NRXN1: variants seen among roughly 807,000 people sequenced by gnomAD.
NRXN1 encodes the protein neurexin 1, also known as neurexin-1.
Under a neutral mutation model 150.9 loss-of-function variants are expected in NRXN1, and 39 were observed. The observed-to-expected ratio is 0.26, with a 90% CI of 0.20 to 0.34. NRXN1 has a LOEUF of 0.34. NRXN1 is among the 10% of genes least tolerant of loss of function. NRXN1 has a pLI of 1.00. For synonymous variants in NRXN1, 924 were observed against 757.0 expected (o/e 1.22, Z -3.62); for missense variants, 1,815 against 1,949.9 (o/e 0.93, Z 1.30).
At chr2:50,759,844 G>C (rs1701593178) in intron 5 of NRXN1, among the ~76,000 whole-genome samples, 1 of 150,866 alleles carries the variant, frequency 6.6e-6, no homozygotes, top group Non-Finnish European at 1.5e-5. Context: ...GTGTGTGTGT[G>C]TGTGTGTGTG....
chr2:49,946,580 C>T (rs778965605), intron 21 of NRXN1, among the ~76,000 whole-genome samples: 3 of 152,202 alleles, frequency 2.0e-5, no homozygotes, highest in Non-Finnish European at 2.9e-5. Flanking sequence ...GGAAGGGGTC[C>T]GGTTTCAGTT....
intron 5 of NRXN1, among the ~76,000 whole-genome samples, chr2:50,792,764 T>C (rs1706234937): frequency 6.6e-6 from 1 of 152,104 alleles, no homozygotes; most frequent in African/African-American, 2.4e-5. Context: ...TCCCATTTAA[T>C]GAACATGTTA....
intron 18 of NRXN1, among the ~76,000 whole-genome samples, chr2:50,131,981 T>C (rs1354510556): frequency 6.6e-6 from 1 of 152,210 alleles, no homozygotes; most frequent in Non-Finnish European, 1.5e-5. Flanking sequence ...TGTGCGTGTG[T>C]ATGTGTGTGT....
chr2:50,833,276 T>C (rs919040540), intron 5 of NRXN1, among the ~76,000 whole-genome samples: 2 of 152,186 alleles, frequency 1.3e-5, no homozygotes, highest in African/African-American at 2.4e-5. Context: ...TTTGGCAGTA[T>C]CCTATAAAAT....
At chr2:50,206,255 ACACACAC>A (rs1238506263) in intron 18 of NRXN1, among the ~76,000 whole-genome samples, 1 of 148,668 alleles carries the variant, frequency 6.7e-6, no homozygotes, top group African/African-American at 2.5e-5. Context: ...ACACACACAC[ACACACAC>A]AACAATTTTT....
chr2:50,472,347 G>T lies in NRXN1; in HGVS notation c.3195C>A (p.Leu1065=). ...SVDLNGRLPD[L]ISDALFCNGQ... ...CGTTGCAGAAAAGAGCATCGGAGAT[G>T]AGGTCCGGAAGCCGTCCATTTAAAT... is the stretch of plus-strand genomic sequence containing the variant. Residue 1065 remains leucine, a synonymous_variant, in exon 16 of 23, where the codon CTC becomes CTA. Transcript: ENST00000401669. 2 of 1,611,614 alleles carry T rather than the reference G, an allele frequency of 1.2e-6. No individual in the cohort carries two copies. Among genetic ancestry groups the T allele is most frequent in the Admixed American group, 1.7e-5 (1 of 59,736 alleles).
chr2:50,509,857 A>C (rs1412940852), intron 12 of NRXN1, among the ~76,000 whole-genome samples: 2 of 152,150 alleles, frequency 1.3e-5, no homozygotes, highest in African/African-American at 4.8e-5. Flanking sequence ...TCTAACCCAC[A>C]AAGTGATGGT....
intron 9 of NRXN1, chr2:50,547,673 T>C (rs2093525504): frequency 6.6e-6 from 1 of 152,262 alleles, no homozygotes; most frequent in African/African-American, 2.4e-5. Flanking sequence ...AGCTAAGTTA[T>C]CCACAGAGGT....
At chr2:50,459,120 C>T (rs1357767435) in intron 17 of NRXN1, among the ~76,000 whole-genome samples, 1 of 151,978 alleles carries the variant, frequency 6.6e-6, no homozygotes, top group Admixed American at 6.6e-5. Flanking sequence ...TAGGCCTGAT[C>T]TAACACTTCT....
chr2:50,910,365 C>G (rs1425864378), intron 5 of NRXN1, among the ~76,000 whole-genome samples: 1 of 151,986 alleles, frequency 6.6e-6, no homozygotes, highest in Non-Finnish European at 1.5e-5. Context: ...TATACTTCAT[C>G]CCCATAGCTA....
chr2:50,352,024 G>T (rs1292761198), intron 17 of NRXN1, among the ~76,000 whole-genome samples: 2 of 152,026 alleles, frequency 1.3e-5, no homozygotes, highest in Non-Finnish European at 2.9e-5. Flanking sequence ...TGGAAACGGG[G>T]TTCACACTCA....
At chr2:50,362,307 T>C (rs2079270597) in intron 17 of NRXN1, among the ~76,000 whole-genome samples, 3 of 152,116 alleles carry the variant, frequency 2.0e-5, no homozygotes, top group South Asian at 2.1e-4. Flanking sequence ...GGAAGTCAAA[T>C]TGGCTGTTTG....
rs187728766 is a variant in NRXN1 at position 50,194,973 on chromosome 2, G to T, written c.3546+41816C>A. Among the ~76,000 whole-genome samples the T allele has an allele frequency of 4.6e-3, 695 of 152,094 alleles. 3 individuals are homozygous for T. The highest frequency in any genetic ancestry group is 0.015 in the African/African-American group (617 of 41,502). Reference sequence around the variant, plus strand: ...AACTTCACCCTGTAATAAATTTGAGGCCATCTTTAGACAGAACAAAATTAA... The same window carrying T: ...AACTTCACCCTGTAATAAATTTGAGTCCATCTTTAGACAGAACAAAATTAA... On this transcript the variant is annotated intron_variant, in intron 18 of 22. Coordinates refer to ENST00000401669, the MANE Select transcript of NRXN1 (RefSeq NM_001330078.2).
chr2:50,666,893 G>GTA, intron 5 of NRXN1, among the ~76,000 whole-genome samples: 1 of 151,530 alleles, frequency 6.6e-6, no homozygotes, highest in Non-Finnish European at 1.5e-5. Flanking sequence ...GTGTGTGTGT[G>GTA]TGTGTGTGTG....
intron 19 of NRXN1, among the ~76,000 whole-genome samples, chr2:50,082,219 C>T (rs1320967319): frequency 1.3e-5 from 2 of 152,192 alleles, no homozygotes; most frequent in African/African-American, 2.4e-5. Flanking sequence ...CCTGATTACC[C>T]GTATCTTTGG....
chr2:50,869,275 A>G (rs1274849873), intron 5 of NRXN1, among the ~76,000 whole-genome samples: 1 of 151,776 alleles, frequency 6.6e-6, no homozygotes, highest in African/African-American at 2.4e-5. Flanking sequence ...TTCAAAGTTA[A>G]AAGGCTGAAA....
chr2:50,872,055 A>T (rs931146057), intron 5 of NRXN1, among the ~76,000 whole-genome samples: 1 of 151,668 alleles, frequency 6.6e-6, no homozygotes, highest in South Asian at 2.1e-4. Flanking sequence ...AAACCCTACT[A>T]CTCAGAGACA....
At chr2:49,983,588 T>A (rs1319770521) in intron 21 of NRXN1, among the ~76,000 whole-genome samples, 3 of 152,172 alleles carry the variant, frequency 2.0e-5, no homozygotes, top group African/African-American at 7.2e-5. Flanking sequence ...GTCAGATCTT[T>A]GAGTCCTTTA....
chr2:50,912,418 G>A (rs997776668), intron 5 of NRXN1, among the ~76,000 whole-genome samples: 3 of 151,830 alleles, frequency 2.0e-5, no homozygotes, highest in African/African-American at 7.3e-5. Context: ...TTATCCCCTT[G>A]CCAAAGATAA....
Sources: allele counts gnomAD v4.1 joint callset (sites outside exome capture counted in the v4.1 genomes callset), GRCh38; gene constraint gnomAD v4.1.1; transcripts MANE v1.5; gene names NCBI Gene and HGNC (gene_info 2026-07-23, HGNC 2026-07-21).